The following SLC26A8 variants were observed in gnomAD, a reference collection of about 807,000 sequenced individuals.
SLC26A8 encodes solute carrier family 26 member 8.
A neutral mutation model predicts 105.0 loss-of-function variants in SLC26A8; 70 were observed. The ratio of observed to expected loss-of-function variants is 0.67; its 90% CI spans 0.55 to 0.81. The LOEUF (loss-of-function observed/expected upper bound fraction) is 0.81. SLC26A8 is among the 40% of genes least tolerant of loss of function. The pLI, the probability that SLC26A8 is intolerant of heterozygous loss-of-function variation, is 0.00. For synonymous variants in SLC26A8, 415 were observed against 438.3 expected, an observed-to-expected ratio of 0.95 and a Z score of 0.66; for missense variants, 998 against 1,181.8, an observed-to-expected ratio of 0.84 and a Z score of 2.28.
intron 12 of SLC26A8, 28 bp downstream of exon 12, chr6:35,962,498 C>A (rs779954675): frequency 6.3e-7 from 1 of 1,583,588 alleles, no homozygotes; most frequent in Non-Finnish European, 8.7e-7. Flanking sequence ...CTGCCCTCCC[C>A]TTCCTCAGCC....
intron 4 of SLC26A8, 129 bp downstream of exon 4, chr6:35,999,863 T>C: frequency 3.1e-6 from 2 of 637,838 alleles, no homozygotes; most frequent in South Asian, 2.2e-5. Flanking sequence ...ACTAACTGTA[T>C]GGATAGAATG....
At chr6:35,948,362 G>A (rs1361651424) in intron 19 of SLC26A8, among the ~76,000 whole-genome samples, 1 of 152,182 alleles carries the variant, frequency 6.6e-6, no homozygotes, top group Non-Finnish European at 1.5e-5. Context: ...GCTAAGGTGG[G>A]CAGATCACCT....
At chr6:36,017,462 C>T (rs962858632) in intron 2 of SLC26A8, among the ~76,000 whole-genome samples, 1 of 151,774 alleles carries the variant, frequency 6.6e-6, no homozygotes, top group African/African-American at 2.4e-5. Flanking sequence ...TGAAACCCCA[C>T]CTCTATTAAA....
chr6:35,995,367 T>C (rs1401626704), intron 5 of SLC26A8, among the ~76,000 whole-genome samples: 1 of 152,234 alleles, frequency 6.6e-6, no homozygotes, highest in African/African-American at 2.4e-5. Flanking sequence ...CAGTACTAAA[T>C]GTTGAATGAA....
intron 19 of SLC26A8, among the ~76,000 whole-genome samples, chr6:35,946,028 C>T (rs1198618959): frequency 6.6e-6 from 1 of 152,118 alleles, no homozygotes; most frequent in Non-Finnish European, 1.5e-5. Context: ...TTGGTATGCC[C>T]CAGGGCTTGA....
chr6:35,959,353 TA>T (rs1772218005), intron 16 of SLC26A8, 106 bp downstream of exon 16: 2 of 1,287,754 alleles, frequency 1.6e-6, no homozygotes, highest in African/African-American at 1.5e-5. Flanking sequence ...ATGGTCCATC[TA>T]AAAGTCAAAA....
chr6:35,947,146 G>T (rs1207252895), intron 19 of SLC26A8, among the ~76,000 whole-genome samples: 3 of 152,018 alleles, frequency 2.0e-5, no homozygotes, highest in Non-Finnish European at 4.4e-5. Flanking sequence ...CTCATGCCTT[G>T]GCCTCCTGAG....
At chr6:35,976,025 T>C (rs189385779) in intron 9 of SLC26A8, among the ~76,000 whole-genome samples, 4 of 152,040 alleles carry the variant, frequency 2.6e-5, no homozygotes, top group Non-Finnish European at 4.4e-5. Flanking sequence ...TTTTTCAAGG[T>C]GAGAAAATGA....
intron 2 of SLC26A8, among the ~76,000 whole-genome samples, chr6:36,016,379 T>C (rs2127374034): frequency 6.6e-6 from 1 of 152,348 alleles, no homozygotes; most frequent in East Asian, 1.9e-4. Flanking sequence ...GGTGAACTTA[T>C]ATCTTTATTT....
In SLC26A8 at chr6:35,992,574, G is replaced by A; in HGVS notation, c.728C>T (p.Ser243Phe). 6.2e-7 allele frequency: 1 copy of A among 1,614,114 alleles called. No individual in the cohort carries two copies. The highest frequency in any genetic ancestry group is 2.2e-5 in the East Asian group (1 of 44,862). ...AATCCCAAAGATGAAAGTCAGCTGGGACAGCATGATATGAAGTGCCACAGC... is the reference window on the plus strand; with the variant it reads ...AATCCCAAAGATGAAAGTCAGCTGGAACAGCATGATATGAAGTGCCACAGC... ...LAAVALHIML[S>F]QLTFIFGIMI... The change falls in exon 6 of 20, where the codon TCC becomes TTC. Residue 243 changes from serine to phenylalanine, a missense_variant. Coordinates refer to ENST00000490799, the MANE Select transcript of SLC26A8 (RefSeq NM_052961.4).
Position 35,977,345 on chromosome 6 carries a change from C to G in SLC26A8, c.1032G>C (p.Leu344=), listed in dbSNP as rs1438115145. ...GGCTGAAATCTGGTGTTACAGGAAGCAGAAAGCTGGAATAGAATAGTGGAA... is the reference window on the plus strand; with the variant it reads ...GGCTGAAATCTGGTGTTACAGGAAGGAGAAAGCTGGAATAGAATAGTGGAA... ...TLIDMIPYSF[L]LPVTPDFSLL... is the part of the protein sequence containing the mutation. Residue 344 remains leucine, a synonymous_variant, in exon 9 of 20, where the codon CTG becomes CTC. Transcript: ENST00000490799. The G allele has an allele frequency of 6.2e-7, 1 of 1,612,524 alleles. No homozygotes were observed. Among genetic ancestry groups the G allele is most frequent in the Non-Finnish European group, 8.5e-7 (1 of 1,179,504 alleles).
chr6:35,944,239 C>T lies in SLC26A8; in HGVS notation c.2574G>A (p.Ser858=), dbSNP rs138718587. 1.4e-4 allele frequency: 231 copies of T among 1,614,064 alleles called. No homozygotes were observed. Among genetic ancestry groups the T allele is most frequent in the Middle Eastern group, 9.9e-4 (6 of 6,062 alleles). The change falls in exon 20 of 20, where the codon TCG becomes TCA. Residue 858 remains serine (S), a synonymous_variant. Coordinates refer to ENST00000490799, the MANE Select transcript of SLC26A8 (RefSeq NM_052961.4). ...IKIQQPVEEE[S]ELDLELESEQ... Reference sequence around the variant, plus strand: ...CTGATTCCAGCTCCAAATCCAACTCCGACTCCTCTTCTACAGGCTGTTGGA... The same window carrying T: ...CTGATTCCAGCTCCAAATCCAACTCTGACTCCTCTTCTACAGGCTGTTGGA...
At chr6:35,992,384 G>T in intron 6 of SLC26A8, 126 bp downstream of exon 6, 1 of 914,114 alleles carries the variant, frequency 1.1e-6, no homozygotes, top group Non-Finnish European at 1.6e-6. Flanking sequence ...GTACCCTCTT[G>T]ACTGAGCTGC....
chr6:35,959,714 C>A lies in SLC26A8; in HGVS notation c.1731G>T (p.Glu577Asp). 6.2e-7 allele frequency: 1 copy of A among 1,606,862 alleles called. No homozygotes were observed. Among genetic ancestry groups the A allele is most frequent in the Non-Finnish European group, 8.5e-7 (1 of 1,178,090 alleles). Residue 577 changes from glutamate to aspartate, a missense_variant and splice_region_variant, in exon 15 of 20, where the codon GAG (glutamate) becomes GAT (aspartate). Glu to Asp is a conservative substitution (Grantham distance 45). Coordinates refer to ENST00000490799, the MANE Select transcript of SLC26A8 (RefSeq NM_052961.4). Reference sequence around the variant, plus strand: ...GAAAGGCGGGCAGGAGGGCAGATACCTCTTTTAACAGCTTATGCTTTAGGT... The same window carrying A: ...GAAAGGCGGGCAGGAGGGCAGATACATCTTTTAACAGCTTATGCTTTAGGT... ...VYYLKHKLLK[E>D]VDMVKVPLKE...
chr6:36,018,328 A>G (rs753558515), intron 2 of SLC26A8, among the ~76,000 whole-genome samples: 91 of 152,260 alleles, frequency 6.0e-4, no homozygotes, highest in Non-Finnish European at 1.1e-3. Context: ...TTATTCAGCC[A>G]TAAAATGAAA....
Position 35,955,532 on chromosome 6 carries a change from G to C in SLC26A8, c.1864-12C>G, listed in dbSNP as rs752094016. Reference sequence around the variant, plus strand: ...TCTGTGTAAAGAATCTGGGACGACAGAGTTAAGGGAGGGCTGTGGTAAGAC... The same window carrying C: ...TCTGTGTAAAGAATCTGGGACGACACAGTTAAGGGAGGGCTGTGGTAAGAC... On this transcript the variant is annotated splice_polypyrimidine_tract_variant and intron_variant, in intron 16 of 19. Coordinates refer to ENST00000490799, the MANE Select transcript of SLC26A8 (RefSeq NM_052961.4). 1 of 1,610,842 alleles carries C rather than the reference G, an allele frequency of 6.2e-7. No homozygotes were observed. The highest frequency in any genetic ancestry group is 1.7e-5 in the Admixed American group (1 of 59,928).
chr6:35,944,943 G>A (rs746913584), intron 19 of SLC26A8, among the ~76,000 whole-genome samples: 6 of 151,994 alleles, frequency 3.9e-5, no homozygotes, highest in Non-Finnish European at 5.9e-5. Flanking sequence ...TCTACTTCCC[G>A]AATTCAAGTG....
rs1771568676 is a variant in SLC26A8 at position 35,943,923 on chromosome 6, C to T, written c.2890G>A (p.Gly964Ser). The T allele has an allele frequency of 2.5e-6, 4 of 1,614,030 alleles. No individual in the cohort carries two copies. The highest frequency in any genetic ancestry group is 3.4e-6 in the Non-Finnish European group (4 of 1,179,962). ...RHPMDSYSPE[G>S]NSNEDV ...TCCTAGACATCTTCATTGCTGTTGC[C>T]CTCTGGTGAGTATGAATCCATAGGA... Residue 964 changes from glycine (G) to serine (S), a missense_variant, in exon 20 of 20, where the codon GGC (glycine) becomes AGC (serine). Gly to Ser is a moderately conservative substitution (Grantham distance 56, BLOSUM62 0). Coordinates refer to ENST00000490799, the MANE Select transcript of SLC26A8 (RefSeq NM_052961.4).
At chr6:36,000,143 G>A (rs561013004) in intron 3 of SLC26A8, 35 bp from the exon 4 acceptor site, 2 of 1,337,854 alleles carry the variant, frequency 1.5e-6, no homozygotes, top group South Asian at 2.4e-5. Flanking sequence ...AAAGCAGCTT[G>A]TCTTTAAAAG....
Sources: gnomAD v4.1 joint callset for allele counts (sites outside exome capture counted in the v4.1 genomes callset) on GRCh38, gnomAD v4.1.1 for gene constraint, MANE v1.5 for transcripts, NCBI Gene and HGNC (gene_info 2026-07-23, HGNC 2026-07-21) for gene names.